The following SEMA4F variants were observed in gnomAD, a reference collection of about 807,000 sequenced individuals.
SEMA4F encodes semaphorin-4F.
Under a neutral mutation model 78.4 loss-of-function variants are expected in SEMA4F, and 51 were observed. That is an observed-to-expected ratio of 0.65 (90% confidence interval 0.52 to 0.82). The LOEUF is 0.82. Ranked by LOEUF, SEMA4F falls within the 40% of genes least tolerant of loss-of-function variation. SEMA4F has a pLI of 0.00. For missense variants in SEMA4F, 938 were observed against 1,014.4 expected, an observed-to-expected ratio of 0.92 and a Z score of 1.02; for synonymous variants, 418 against 408.7, an observed-to-expected ratio of 1.02 and a Z score of -0.27.
rs1685509963 is a variant in SEMA4F at position 74,679,957 on chromosome 2, G to A, written c.2061G>A (p.Arg687=). The change falls in exon 14 of 14, where the codon CGG becomes CGA. Residue 687 remains arginine, a synonymous_variant. Transcript: ENST00000357877. ...LILIGRRQQR[R]RQRELLARDK... ...TGATTGGTCGGCGTCAGCAGCGACG[G>A]CGACAGAGGGAACTTCTGGCTAGAG... 9 of 1,614,256 alleles carry A rather than the reference G, an allele frequency of 5.6e-6. No individual in the cohort carries two copies. The East Asian group carries it at 1.8e-4, about 32-fold the overall frequency.
At chr2:74,656,739 A>G (rs373174611) in intron 2 of SEMA4F, 54 bp downstream of exon 2, 2 of 1,571,912 alleles carry the variant, frequency 1.3e-6, no homozygotes, top group Non-Finnish European at 8.7e-7. Context: ...GATTAAATCT[A>G]TGATTTTATG....
At chr2:74,665,311 A>G (rs1684633437) in intron 5 of SEMA4F, among the ~76,000 whole-genome samples, 1 of 150,522 alleles carries the variant, frequency 6.6e-6, no homozygotes, top group African/African-American at 2.5e-5. Flanking sequence ...CTCACTGCGA[A>G]CTGCACCTCC....
rs375006812 is a variant in SEMA4F at position 74,679,832 on chromosome 2, T to G, written c.1936T>G (p.Trp646Gly). ...AHVVAAYSLV[W>G]GSQRDAPSRA... ...TGTGGTAGCAGCTTACAGCTTGGTA[T>G]GGGGCAGCCAGCGAGATGCTCCGAG... The change falls in exon 14 of 14, where the codon TGG (tryptophan) becomes GGG (glycine). Residue 646 changes from tryptophan to glycine, a missense_variant. By Grantham distance (184) the Trp-to-Gly change is radical. Coordinates refer to ENST00000357877, the MANE Select transcript of SEMA4F (RefSeq NM_004263.5). 2 of 1,614,114 alleles carry G rather than the reference T, an allele frequency of 1.2e-6. No homozygotes were observed. The highest frequency in any genetic ancestry group is 1.7e-6 in the Non-Finnish European group (2 of 1,180,002).
intron 1 of SEMA4F, chr2:74,655,277 G>GA: frequency 2.5e-6 from 1 of 400,194 alleles, no homozygotes; most frequent in Non-Finnish European, 5.1e-6. Context: ...TCTTCAGAAG[G>GA]AAAAATAGAG....
In SEMA4F at chr2:74,680,280, C is replaced by T; in HGVS notation, c.*71C>T. On this transcript the variant is annotated 3_prime_UTR_variant, in exon 14 of 14. Coordinates refer to ENST00000357877, the MANE Select transcript of SEMA4F (RefSeq NM_004263.5). The stretch of plus-strand genomic sequence containing the variant: ...GTGACCACTGAGATGCTGGGGGTCA[C>T]TGGGCCTGGAAGACCATCCCAGCCT... 6.7e-7 allele frequency: 1 copy of T among 1,495,776 alleles called. No individual in the cohort carries two copies. The allele number at this position is 1,495,776 out of a possible 1,614,324, so 92.7% of individuals were successfully genotyped here.
downstream of SEMA4F, among the ~76,000 whole-genome samples, chr2:74,687,236 A>G (rs934250893): frequency 9.2e-5 from 14 of 152,204 alleles, no homozygotes; most frequent in Non-Finnish European, 1.9e-4. Flanking sequence ...AGGGAGAACT[A>G]GTTGTTTCCC....
chr2:74,670,347 G>C (rs376820021), intron 5 of SEMA4F, among the ~76,000 whole-genome samples: 1 of 152,124 alleles, frequency 6.6e-6, no homozygotes, highest in Non-Finnish European at 1.5e-5. Context: ...AAGCCCCTTC[G>C]TACTCTTAGG....
intron 5 of SEMA4F, among the ~76,000 whole-genome samples, chr2:74,671,268 T>C (rs912608355): frequency 3.9e-5 from 6 of 152,246 alleles, no homozygotes; most frequent in African/African-American, 1.4e-4. Flanking sequence ...CTGCTGCCCT[T>C]GTAGGGCTCT....
At chr2:74,654,907 C>T (rs1016662984) in intron 1 of SEMA4F, among the ~76,000 whole-genome samples, 1 of 152,226 alleles carries the variant, frequency 6.6e-6, no homozygotes, top group Non-Finnish European at 1.5e-5. Context: ...CCTTAGTCCC[C>T]TGTTTCCCCG....
chr2:74,669,797 C>T (rs970659926), intron 5 of SEMA4F, among the ~76,000 whole-genome samples: 4 of 152,080 alleles, frequency 2.6e-5, no homozygotes, highest in Non-Finnish European at 5.9e-5. Context: ...TCTATTTTTA[C>T]TCATAATTAT....
At position 74,680,169 on chromosome 2, in the gene SEMA4F, C is replaced by G; in HGVS notation, c.2273C>G (p.Thr758Ser). Reference protein sequence around the residue: ...PCPSPAHIRLTGAPLATCDET... With the variant: ...PCPSPAHIRLSGAPLATCDET... ...CCAAGCCCAGCCCACATTCGGCTAACTGGGGCTCCTCTAGCCACATGTGAT... is the reference window on the plus strand; with the variant it reads ...CCAAGCCCAGCCCACATTCGGCTAAGTGGGGCTCCTCTAGCCACATGTGAT... Residue 758 changes from threonine (T) to serine (S), a missense_variant, in exon 14 of 14, where the codon ACT becomes AGT. Coordinates refer to ENST00000357877, the MANE Select transcript of SEMA4F (RefSeq NM_004263.5). 6.3e-7 allele frequency: 1 copy of G among 1,597,190 alleles called. No individual in the cohort carries two copies. The highest frequency in any genetic ancestry group is 8.6e-7 in the Non-Finnish European group (1 of 1,167,866).
chr2:74,662,443 T>C (rs992895372), intron 4 of SEMA4F, among the ~76,000 whole-genome samples: 9 of 152,202 alleles, frequency 5.9e-5, no homozygotes, highest in Non-Finnish European at 1.3e-4. Flanking sequence ...TAGGTGCTTC[T>C]TGGGCTGTCC....
At position 74,657,663 on chromosome 2, in the gene SEMA4F, A is replaced by G. The variant is rs777387875; in HGVS notation, c.357+39A>G. On this transcript the variant is annotated intron_variant, in intron 3 of 13. Transcript: ENST00000357877. ...TGAGCCCTGTCTTGAGTGTCAGTTG[A>G]GACCTTGGCCCAGCCCTGACTCTCA... 2.5e-6 allele frequency: 4 copies of G among 1,601,700 alleles called. No individual in the cohort carries two copies. In the South Asian group the frequency reaches 4.4e-5, roughly 18 times the overall value.
At chr2:74,705,963 C>CT in the SEMA4F span, among the ~76,000 whole-genome samples, 228 of 150,772 alleles carry the variant, frequency 1.5e-3, 1 homozygote, top group African/African-American at 4.4e-3. Context: ...ATTTTCTTTT[C>CT]TTTTTTTTTG....
intron 5 of SEMA4F, among the ~76,000 whole-genome samples, chr2:74,666,997 T>C (rs1245295859): frequency 6.6e-6 from 1 of 152,192 alleles, no homozygotes; most frequent in Non-Finnish European, 1.5e-5. Flanking sequence ...TTGGAGTATT[T>C]TGAGTGTTTT....
At chr2:74,673,922 T>A in intron 7 of SEMA4F, 94 bp downstream of exon 7, 1 of 1,377,004 alleles carries the variant, frequency 7.3e-7, no homozygotes, top group Non-Finnish European at 9.9e-7. Flanking sequence ...TTTGAATCTC[T>A]CCTGTGTCTC....
rs1685624091 is a variant in SEMA4F at position 74,681,620 on chromosome 2, C to T, written c.*1411C>T. On this transcript the variant is annotated 3_prime_UTR_variant, in exon 14 of 14. Transcript: ENST00000357877. ...AGCTGCTGGAGGCCTTCTTGTTTCTCCAGTCCCTGGAAGCTGAGCTCTATG... is the reference window on the plus strand; with the variant it reads ...AGCTGCTGGAGGCCTTCTTGTTTCTTCAGTCCCTGGAAGCTGAGCTCTATG... 1 of 152,758 alleles carries T rather than the reference C, an allele frequency of 6.5e-6. No individual in the cohort carries two copies. Among genetic ancestry groups the T allele is most frequent in the African/African-American group, 2.4e-5 (1 of 41,452 alleles). 9.5% of individuals were successfully genotyped at this position (152,758 alleles called of 1,614,324 possible).
chr2:74,654,385 C>T lies in SEMA4F; in HGVS notation c.9C>T (p.Ala3=). 1.3e-6 allele frequency: 2 copies of T among 1,511,538 alleles called. No homozygotes were observed. 93.6% of individuals were successfully genotyped at this position (1,511,538 alleles called of 1,614,324 possible). ...GCCAGGCGGAGCCAAAGATGCCGGCCTCTGCTGCGCGGCCCCGCCCGGGTC... is the reference window on the plus strand; with the variant it reads ...GCCAGGCGGAGCCAAAGATGCCGGCTTCTGCTGCGCGGCCCCGCCCGGGTC... MP[A]SAARPRPGPG... is the part of the protein sequence containing the mutation. The change falls in exon 1 of 14, where the codon GCC becomes GCT. Residue 3 remains alanine, a synonymous_variant. Coordinates refer to ENST00000357877, the MANE Select transcript of SEMA4F (RefSeq NM_004263.5).
intron 4 of SEMA4F, among the ~76,000 whole-genome samples, chr2:74,662,110 ACT>A (rs1164468908): frequency 6.6e-6 from 1 of 152,010 alleles, no homozygotes; most frequent in Non-Finnish European, 1.5e-5. Flanking sequence ...TTACTACCAA[ACT>A]CTCACATTCT....
Sources: gnomAD v4.1 joint callset for allele counts (sites outside exome capture counted in the v4.1 genomes callset) on GRCh38, gnomAD v4.1.1 for gene constraint, MANE v1.5 for transcripts, NCBI Gene and HGNC (gene_info 2026-07-23, HGNC 2026-07-21) for gene names.